CWC22: variants seen among roughly 807,000 people sequenced by gnomAD.
CWC22 encodes CWC22 spliceosome associated protein.
A neutral mutation model predicts 117.2 loss-of-function variants in CWC22; 53 were observed. That is an observed-to-expected ratio of 0.45 (90% CI 0.36 to 0.57). The LOEUF (loss-of-function observed/expected upper bound fraction) is 0.57. Ranked by LOEUF, CWC22 falls within the 20% of genes least tolerant of loss-of-function variation. The probability of loss-of-function intolerance (pLI) is 0.00; values close to 1 mark genes in which losing one functional copy is unlikely to be tolerated. For synonymous variants in CWC22, 360 were observed against 355.6 expected (o/e 1.01, Z -0.14); for missense variants, 980 against 1,068.8 (o/e 0.92, Z 1.16).
intron 8 of CWC22, among the ~76,000 whole-genome samples, chr2:179,971,862 G>A (rs1252440698): frequency 6.6e-6 from 1 of 152,142 alleles, no homozygotes; most frequent in Non-Finnish European, 1.5e-5. Flanking sequence ...TCTTCCAGCT[G>A]TGCACAACAT....
At chr2:179,960,062 C>T (rs1218002337) in intron 13 of CWC22, among the ~76,000 whole-genome samples, 1 of 152,114 alleles carries the variant, frequency 6.6e-6, no homozygotes, top group East Asian at 1.9e-4. Flanking sequence ...AAGTTTCTCT[C>T]ATTTCTGCAA....
In CWC22 at chr2:179,947,370, C is replaced by T. The variant is rs138486929; in HGVS notation, c.2141-1655G>A. Among the ~76,000 whole-genome samples, 5 of 152,284 alleles carry T rather than the reference C, an allele frequency of 3.3e-5. No homozygotes were observed. In the East Asian group the frequency reaches 5.8e-4, roughly 18 times the overall value. ...CCTTGATCCTACTGTACACCACTGT[C>T]GGGCTTTACTGATATTAAAACCCAG... On this transcript the variant is annotated intron_variant, in intron 19 of 19. Transcript: ENST00000410053.
Position 179,945,220 on chromosome 2 carries a change from C to T in CWC22, c.2636G>A (p.Trp879Ter), listed in dbSNP as rs1475833311. Residue 879 changes from tryptophan (W) to a stop codon, truncating the protein, a stop_gained, in exon 20 of 20, where the codon TGG (tryptophan) becomes TAG (stop). Coordinates refer to ENST00000410053, the MANE Select transcript of CWC22 (RefSeq NM_020943.3). LOFTEE classifies it high-confidence loss of function. ...DRYQNGAERR[W>*]EKSSRYSEQS... ...TTCAGAGTATCTGCTAGATTTTTCCCATCGTCTCTCGGCACCATTTTGATA... is the reference window on the plus strand; with the variant it reads ...TTCAGAGTATCTGCTAGATTTTTCCTATCGTCTCTCGGCACCATTTTGATA... The T allele has an allele frequency of 6.2e-7, 1 of 1,613,744 alleles. No homozygotes were observed. Among genetic ancestry groups the T allele is most frequent in the Non-Finnish European group, 8.5e-7 (1 of 1,179,824 alleles).
rs1054906686 is a variant in CWC22 at position 179,950,551 on chromosome 2, T to C, written c.2101A>G (p.Ser701Gly). 1 of 1,612,228 alleles carries C rather than the reference T, an allele frequency of 6.2e-7. No individual in the cohort carries two copies. The highest frequency in any genetic ancestry group is 1.3e-5 in the African/African-American group (1 of 74,862). ...DSSSESSSEE[S>G]DSSSISSHSS... The stretch of plus-strand genomic sequence containing the variant: ...TGACTACTGATGGATGAAGAGTCGC[T>C]CTCTTCACTGGAAGACTCTGAACTG... The change falls in exon 19 of 20, where the codon AGC becomes GGC. Residue 701 changes from serine (S) to glycine (G), a missense_variant. Physicochemically the swap from Ser to Gly is moderately conservative, Grantham distance 56. This residue lies in a region of CWC22 where 306 missense variants were observed against 296.8 expected (regional missense o/e 1.03). Transcript: ENST00000410053.
In CWC22 at chr2:179,973,622, A is replaced by G. The variant is rs1215023242; in HGVS notation, c.750+12T>C. The G allele has an allele frequency of 2.0e-6, 3 of 1,521,118 alleles. No homozygotes were observed. In the South Asian group the frequency reaches 3.6e-5, roughly 18 times the overall value. The allele number at this position is 1,521,118 out of a possible 1,614,324, so 94.2% of individuals were successfully genotyped here. A position where few individuals can be genotyped will look rare whatever the true frequency, so the allele number is the denominator to read the frequency against. ...CTATGTATCATTCTACTTACAAGCC[A>G]TTCATATATACCTTGTCATTTCTTC... On this transcript the variant is annotated intron_variant, in intron 7 of 19. Transcript: ENST00000410053.
Position 179,945,173 on chromosome 2 carries a change from T to G in CWC22, c.2683A>C (p.Asn895His). 6.2e-7 allele frequency: 1 copy of G among 1,604,462 alleles called. No homozygotes were observed. The highest frequency in any genetic ancestry group is 8.5e-7 in the Non-Finnish European group (1 of 1,177,756). The stretch of plus-strand genomic sequence containing the variant: ...GACTTTTCTCTTCGCCGGTCCTGAT[T>G]TTTCTTTGATTCTCTGGATTGTTCA... ...YSEQSRESKKNQDRRREKSPA... is the reference protein window; with the variant it reads ...YSEQSRESKKHQDRRREKSPA... Residue 895 changes from asparagine (N) to histidine (H), a missense_variant, in exon 20 of 20, where the codon AAT becomes CAT. By Grantham distance (68) the Asn-to-His change is moderately conservative (BLOSUM62 1). This residue lies in a region of CWC22 where 306 missense variants were observed against 296.8 expected (regional missense o/e 1.03). Coordinates refer to ENST00000410053, the MANE Select transcript of CWC22 (RefSeq NM_020943.3).
intron 2 of CWC22, among the ~76,000 whole-genome samples, chr2:179,991,972 G>T (rs1278612834): frequency 6.6e-6 from 1 of 152,190 alleles, no homozygotes; most frequent in Non-Finnish European, 1.5e-5. Flanking sequence ...CTTGACAGAG[G>T]TTGGAAAAGA....
chr2:179,945,824 G>A (rs1194314051), intron 19 of CWC22, 109 bp from the exon 20 acceptor site: 2 of 658,616 alleles, frequency 3.0e-6, no homozygotes, highest in East Asian at 2.8e-5. Context: ...AGATAAACTA[G>A]GTGCAAAGCC....
At chr2:180,002,068 A>G (rs1001622515) in intron 1 of CWC22, among the ~76,000 whole-genome samples, 3 of 152,174 alleles carry the variant, frequency 2.0e-5, no homozygotes, top group Non-Finnish European at 2.9e-5. Context: ...ACTCCAGCCA[A>G]TCTTCTCTAG....
intron 2 of CWC22, among the ~76,000 whole-genome samples, chr2:179,990,305 T>A (rs1165547390): frequency 6.6e-6 from 1 of 152,176 alleles, no homozygotes; most frequent in Non-Finnish European, 1.5e-5. Context: ...CATAAAGATC[T>A]TAGGTCAAAT....
chr2:179,993,196 A>G, intron 2 of CWC22, 119 bp downstream of exon 2: 2 of 751,894 alleles, frequency 2.7e-6, no homozygotes, highest in Non-Finnish European at 4.4e-6. Flanking sequence ...TTTTGCACCA[A>G]CCTAAGTGCC....
chr2:179,970,708 ATCT>A lies in CWC22; in HGVS notation c.1086_1088del (p.Glu362del). On this transcript the variant is annotated inframe_deletion, in exon 10 of 20. Transcript: ENST00000410053. ...GAGGGAGCATATGAGTGAATTGATC[ATCT>A]TCTTCCACCAAATCAAGACCTTCTA... The A allele has an allele frequency of 1.2e-6, 2 of 1,613,756 alleles. No individual in the cohort carries two copies. The highest frequency in any genetic ancestry group is 1.7e-6 in the Non-Finnish European group (2 of 1,179,736).
intron 11 of CWC22, among the ~76,000 whole-genome samples, chr2:179,966,810 G>A (rs1686902622): frequency 6.6e-6 from 1 of 152,092 alleles, no homozygotes; most frequent in South Asian, 2.1e-4. Context: ...TATAATCAGA[G>A]GGTTTTTAAT....
Position 179,978,226 on chromosome 2 carries a change from A to G in CWC22, c.545T>C (p.Ile182Thr). ...KVNISNISIIIQELLQENIVR... is the reference protein window; with the variant it reads ...KVNISNISIITQELLQENIVR... The stretch of plus-strand genomic sequence containing the variant: ...TATATTTTCTTGAAGAAGCTCTTGA[A>G]TAATAATACTTATGTTGGAAATGTT... Residue 182 changes from isoleucine to threonine, a missense_variant, in exon 6 of 20, where the codon ATT becomes ACT. Ile to Thr is a moderately conservative substitution (Grantham distance 89). Transcript: ENST00000410053. 6.4e-7 allele frequency: 1 copy of G among 1,561,244 alleles called. No individual in the cohort carries two copies. The highest frequency in any genetic ancestry group is 1.9e-5 in the Admixed American group (1 of 51,370).
chr2:179,956,145 A>T (rs1465562743), intron 14 of CWC22, among the ~76,000 whole-genome samples: 1 of 151,794 alleles, frequency 6.6e-6, no homozygotes, highest in African/African-American at 2.4e-5. Context: ...AATATTTTAA[A>T]AAATTATATA....
At position 179,945,245 on chromosome 2, in the gene CWC22, A is replaced by G; in HGVS notation, c.2611T>C (p.Tyr871His). Residue 871 changes from tyrosine (Y) to histidine (H), a missense_variant, in exon 20 of 20, where the codon TAT (tyrosine) becomes CAT (histidine). By Grantham distance (83) the Tyr-to-His change is moderately conservative. This residue lies in a region of CWC22 where 306 missense variants were observed against 296.8 expected (regional missense o/e 1.03). Coordinates refer to ENST00000410053, the MANE Select transcript of CWC22 (RefSeq NM_020943.3). ...HSGSRSDEDR[Y>H]QNGAERRWEK... is the part of the protein sequence containing the mutation. ...CATCGTCTCTCGGCACCATTTTGAT[A>G]TCTATCTTCATCACTTCTTGAGCCT... 1.9e-6 allele frequency: 3 copies of G among 1,613,706 alleles called. No individual in the cohort carries two copies. Among genetic ancestry groups the G allele is most frequent in the Non-Finnish European group, 2.5e-6 (3 of 1,179,782 alleles).
intron 1 of CWC22, among the ~76,000 whole-genome samples, chr2:179,993,729 A>G (rs16823588): frequency 0.033 from 5,064 of 152,210 alleles, 90 homozygotes; most frequent in East Asian, 0.089. Flanking sequence ...ATGTCCTATA[A>G]CTTTATTAAA....
intron 1 of CWC22, among the ~76,000 whole-genome samples, chr2:180,001,296 G>GT (rs1456671446): frequency 6.6e-6 from 1 of 151,078 alleles, no homozygotes; most frequent in Non-Finnish European, 1.5e-5. Context: ...TTTGTGATAT[G>GT]TAAGTTCACA....
chr2:179,974,113 T>C (rs1271907973), intron 6 of CWC22, among the ~76,000 whole-genome samples: 3 of 152,196 alleles, frequency 2.0e-5, no homozygotes, highest in South Asian at 4.1e-4. Context: ...AAAAGGTTCA[T>C]ATAAATAATT....
Sources: gnomAD v4.1 joint callset for allele counts (sites outside exome capture counted in the v4.1 genomes callset) on GRCh38, gnomAD v4.1.1 for gene constraint, gnomAD v4.1.1 regional missense constraint, MANE v1.5 for transcripts, NCBI Gene and HGNC (gene_info 2026-07-23, HGNC 2026-07-21) for gene names.